The following PPP2R5A variants were observed in gnomAD, a reference collection of about 807,000 sequenced individuals.
The protein encoded by PPP2R5A is protein phosphatase 2 regulatory subunit B'alpha.
A neutral mutation model predicts 64.2 loss-of-function variants in PPP2R5A; 25 were observed. The ratio of observed to expected loss-of-function variants is 0.39; its 90% CI spans 0.28 to 0.54. The LOEUF (loss-of-function observed/expected upper bound fraction) is 0.54. PPP2R5A is among the 20% of genes least tolerant of loss of function. PPP2R5A has a pLI of 0.67. For synonymous variants in PPP2R5A, 198 were observed against 201.2 expected (o/e 0.98, Z 0.13); for missense variants, 425 against 576.3 (o/e 0.74, Z 2.69).
chr1:212,305,048 T>C (rs1219206728), intron 1 of PPP2R5A, among the ~76,000 whole-genome samples: 1 of 145,986 alleles, frequency 6.8e-6, no homozygotes, highest in Non-Finnish European at 1.5e-5. Flanking sequence ...TTTTTTTTTT[T>C]TTTTTTTTGA....
At chr1:212,322,067 A>T in intron 1 of PPP2R5A, among the ~76,000 whole-genome samples, 1 of 151,406 alleles carries the variant, frequency 6.6e-6, no homozygotes, top group Non-Finnish European at 1.5e-5. Context: ...GCGCGCCTGC[A>T]ATCGCAGGCA....
intron 1 of PPP2R5A, chr1:212,297,542 T>C (rs1040624781): frequency 1.3e-5 from 2 of 152,214 alleles, no homozygotes; most frequent in Middle Eastern, 3.2e-3. Context: ...AGACTAAGCC[T>C]AGAGCCTGTA....
chr1:212,309,468 G>A, intron 1 of PPP2R5A: 3 of 879,272 alleles, frequency 3.4e-6, no homozygotes, highest in Non-Finnish European at 5.8e-6. Context: ...CCTTCGCTTT[G>A]TCTTCGGCTT....
chr1:212,327,645 C>T (rs554989251), intron 1 of PPP2R5A, among the ~76,000 whole-genome samples: 1 of 152,056 alleles, frequency 6.6e-6, no homozygotes, highest in South Asian at 2.1e-4. Context: ...AACTCCTGAC[C>T]TCAAGTCATC....
At chr1:212,324,126 G>A (rs1226255375) in intron 1 of PPP2R5A, among the ~76,000 whole-genome samples, 2 of 151,870 alleles carry the variant, frequency 1.3e-5, no homozygotes, top group African/African-American at 4.8e-5. Flanking sequence ...TATGCTTAAC[G>A]ATGGGGCTAT....
intron 5 of PPP2R5A, among the ~76,000 whole-genome samples, chr1:212,346,978 T>C (rs1659791694): frequency 6.6e-6 from 1 of 152,222 alleles, no homozygotes; most frequent in South Asian, 2.1e-4. Flanking sequence ...AAAAATGGCT[T>C]TATTACATAT....
rs762696931 is a variant in PPP2R5A at position 212,342,268 on chromosome 1, A to G, written c.561A>G (p.Lys187=). Residue 187 remains lysine, a synonymous_variant, in exon 4 of 13, where the codon AAA becomes AAG. Coordinates refer to ENST00000261461, the MANE Select transcript of PPP2R5A (RefSeq NM_006243.4). ...PSIAKRYIDQ[K]FVQQLLELFD... is the part of the protein sequence containing the mutation. ...TTGCAAAACGATACATTGATCAGAA[A>G]TTCGTACAACAGGTAAGGAACTCTT... 2.5e-6 allele frequency: 4 copies of G among 1,613,352 alleles called. No individual in the cohort carries two copies. The highest frequency in any genetic ancestry group is 3.4e-6 in the Non-Finnish European group (4 of 1,179,612).
Position 212,314,790 on chromosome 1 carries a change from G to C in PPP2R5A, c.182-14345G>C, listed in dbSNP as rs149526419. On this transcript the variant is annotated intron_variant, in intron 1 of 12. Transcript: ENST00000261461. ...ATTGGCCAGGTTGGTCTCAACTCCT[G>C]ACTTGAAGTGATCCGCCCACCTCAG... 5.4e-3 allele frequency among the ~76,000 whole-genome samples: 826 copies of C among 152,012 alleles called. 10 individuals are homozygous for C. Among genetic ancestry groups the C allele is most frequent in the African/African-American group, 0.018 (739 of 41,442 alleles).
At chr1:212,324,473 G>C (rs1369726505) in intron 1 of PPP2R5A, among the ~76,000 whole-genome samples, 2 of 152,166 alleles carry the variant, frequency 1.3e-5, no homozygotes, top group Admixed American at 1.3e-4. Context: ...TTAGCCTGTA[G>C]TGTTAGAAAA....
chr1:212,314,224 C>A (rs1659100975), intron 1 of PPP2R5A, among the ~76,000 whole-genome samples: 1 of 152,110 alleles, frequency 6.6e-6, no homozygotes, highest in African/African-American at 2.4e-5. Context: ...CCAGCAACTA[C>A]CAGACATAAG....
At chr1:212,290,101 T>C (rs1658573952) in intron 1 of PPP2R5A, among the ~76,000 whole-genome samples, 2 of 152,180 alleles carry the variant, frequency 1.3e-5, no homozygotes, top group Non-Finnish European at 2.9e-5. Context: ...AGGTAAAACT[T>C]TCCCAAGTAG....
At chr1:212,307,420 T>C (rs1030818528) in intron 1 of PPP2R5A, among the ~76,000 whole-genome samples, 1 of 152,168 alleles carries the variant, frequency 6.6e-6, no homozygotes, top group African/African-American at 2.4e-5. Flanking sequence ...TAGTGTTATA[T>C]AATATCTGTT....
At chr1:212,333,111 C>A (rs535092302) in intron 2 of PPP2R5A, among the ~76,000 whole-genome samples, 1 of 152,154 alleles carries the variant, frequency 6.6e-6, no homozygotes, top group South Asian at 2.1e-4. Context: ...CCATGTTGCC[C>A]AGGCTGGTCT....
chr1:212,311,585 C>T (rs555907785), intron 1 of PPP2R5A, among the ~76,000 whole-genome samples: 59 of 151,784 alleles, frequency 3.9e-4, no homozygotes, highest in Non-Finnish European at 7.1e-4. Flanking sequence ...GAGTGTGCTC[C>T]TTCTACTTAT....
intron 2 of PPP2R5A, among the ~76,000 whole-genome samples, chr1:212,332,485 T>C (rs932078895): frequency 2.0e-5 from 3 of 152,222 alleles, no homozygotes; most frequent in Admixed American, 1.3e-4. Flanking sequence ...TTTACCTTAG[T>C]ACTAAGATAA....
chr1:212,309,533 T>G, intron 1 of PPP2R5A: 1 of 739,798 alleles, frequency 1.4e-6, no homozygotes, highest in Non-Finnish European at 2.4e-6. Flanking sequence ...TGAAAAGCCC[T>G]TCTTTACTTC....
chr1:212,292,729 T>A (rs1658623341), intron 1 of PPP2R5A, among the ~76,000 whole-genome samples: 2 of 152,090 alleles, frequency 1.3e-5, no homozygotes. Context: ...CCAGCTAAGT[T>A]TTTTATTTTT....
At chr1:212,348,361 C>A in intron 6 of PPP2R5A, 28 bp from the exon 7 acceptor site, 1 of 1,432,508 alleles carries the variant, frequency 7.0e-7, no homozygotes, top group Non-Finnish European at 9.8e-7. Context: ...AACTACTTAA[C>A]CCTTCCCCTG....
chr1:212,299,417 T>C (rs1658758474), intron 1 of PPP2R5A: 1 of 152,254 alleles, frequency 6.6e-6, no homozygotes, highest in African/African-American at 2.4e-5. Flanking sequence ...TTGTTTTTGC[T>C]TCTTTTGGAA....
Sources: gnomAD v4.1 joint callset for allele counts (sites outside exome capture counted in the v4.1 genomes callset) on GRCh38, gnomAD v4.1.1 for gene constraint, MANE v1.5 for transcripts, NCBI Gene and HGNC (gene_info 2026-07-23, HGNC 2026-07-21) for gene names.